The following TRA2B variants were observed in gnomAD, a reference collection of about 807,000 sequenced individuals.
TRA2B encodes the protein transformer-2 protein homolog beta.
A neutral mutation model predicts 41.7 loss-of-function variants in TRA2B; 14 were observed. The observed-to-expected ratio is 0.34, with a 90% CI of 0.22 to 0.53. The LOEUF (loss-of-function observed/expected upper bound fraction) is 0.53, where lower values mean the gene tolerates loss of function less well. Among genes scored for constraint, TRA2B ranks in the 20% least tolerant of loss-of-function variants. The pLI, the probability that TRA2B is intolerant of heterozygous loss-of-function variation, is 0.95. For missense variants in TRA2B, 167 were observed against 396.8 expected, an observed-to-expected ratio of 0.42 and a Z score of 4.92; for synonymous variants, 130 against 128.8, an observed-to-expected ratio of 1.01 and a Z score of -0.06.
intron 5 of TRA2B, among the ~76,000 whole-genome samples, chr3:185,921,536 G>C (rs1014156108): frequency 4.6e-5 from 7 of 152,182 alleles, no homozygotes; most frequent in Non-Finnish European, 1.0e-4. Context: ...AGGCCGAGGC[G>C]GGCAGATCAT....
chr3:185,924,209 G>A (rs867297236), intron 3 of TRA2B: 1 of 376,676 alleles, frequency 2.7e-6, no homozygotes, highest in East Asian at 4.2e-5. Context: ...GAATTAAGTA[G>A]GTAAACAAGC....
At chr3:185,936,656 G>A (rs1744366914) in intron 1 of TRA2B, 3 of 983,324 alleles carry the variant, frequency 3.1e-6, no homozygotes, top group Admixed American at 6.3e-5. Flanking sequence ...ACCAACAAGG[G>A]GAAACTTAGG....
intron 5 of TRA2B, 129 bp from the exon 6 acceptor site, chr3:185,921,316 T>C (rs753412512): frequency 1.3e-6 from 1 of 765,930 alleles, no homozygotes; most frequent in African/African-American, 1.7e-5. Context: ...TTCTCACCTA[T>C]ATTGAGCAAA....
chr3:185,921,368 T>C (rs1030276937), intron 5 of TRA2B, among the ~76,000 whole-genome samples, 181 bp from the exon 6 acceptor site: 12 of 152,210 alleles, frequency 7.9e-5, no homozygotes, highest in African/African-American at 2.4e-4. Context: ...AACCTATTTT[T>C]AAAAATCTTT....
intron 1 of TRA2B, chr3:185,936,670 C>T (rs1744367506): frequency 2.1e-6 from 2 of 969,054 alleles, no homozygotes; most frequent in Non-Finnish European, 2.4e-6. Context: ...ACTTAGGTAA[C>T]AAATTGTTTT....
chr3:185,920,975 T>G lies in TRA2B; in HGVS notation c.722+129A>C, dbSNP rs999019042. 6.5e-6 allele frequency: 4 copies of G among 617,218 alleles called. No individual in the cohort carries two copies. The African/African-American group carries it at 7.3e-5, about 11-fold the overall frequency. The allele number at this position is 617,218 out of a possible 1,614,324, so 38.2% of individuals were successfully genotyped here. ...ACAGAACCTTAGAATCTGATTTAAC[T>G]TTCTACTCTGCATTTCTCGAGTAAA... is the stretch of plus-strand genomic sequence containing the variant. On this transcript the variant is annotated intron_variant, in intron 6 of 8. Transcript: ENST00000453386.
intron 1 of TRA2B, chr3:185,935,594 G>T: frequency 1.0e-6 from 1 of 985,422 alleles, no homozygotes; most frequent in South Asian, 4.7e-5. Context: ...CTGATTTGAA[G>T]AGATTAGTGA....
At position 185,915,078 on chromosome 3, in the gene TRA2B, A is replaced by G. The variant is rs1019875474; in HGVS notation, c.*2637T>C. 6.6e-6 allele frequency among the ~76,000 whole-genome samples: 1 copy of G among 152,206 alleles called. No individual in the cohort carries two copies. Among genetic ancestry groups the G allele is most frequent in the Non-Finnish European group, 1.5e-5 (1 of 68,024 alleles). Reference sequence around the variant, plus strand: ...AGATCCCTCTCAAGCGCACTTCACAATAGGATTCCTGCTATGAAAATCTGC... The same window carrying G: ...AGATCCCTCTCAAGCGCACTTCACAGTAGGATTCCTGCTATGAAAATCTGC... On this transcript the variant is annotated 3_prime_UTR_variant, in exon 9 of 9. Transcript: ENST00000453386.
chr3:185,937,431 G>C (rs1744407092), intron 1 of TRA2B: 4 of 1,026,562 alleles, frequency 3.9e-6, no homozygotes, highest in African/African-American at 1.7e-5. Context: ...CCGCCATTTT[G>C]TGCCTCTGGC....
At chr3:185,925,336 A>G in intron 3 of TRA2B, 128 bp downstream of exon 3, 1 of 1,118,502 alleles carries the variant, frequency 8.9e-7, no homozygotes, top group South Asian at 1.7e-5. Context: ...CTCTCAAAAC[A>G]CTAAAAAAGC....
chr3:185,925,674 C>T (rs951244037), intron 2 of TRA2B, 48 bp from the exon 3 acceptor site: 2 of 1,559,164 alleles, frequency 1.3e-6, no homozygotes, highest in African/African-American at 1.4e-5. Context: ...CAAATATTGT[C>T]TTCTTTATTA....
chr3:185,933,545 T>C (rs554351082), intron 1 of TRA2B, among the ~76,000 whole-genome samples: 2 of 152,202 alleles, frequency 1.3e-5, no homozygotes, highest in East Asian at 1.9e-4. Flanking sequence ...ACTCATTAAG[T>C]TGACTGACAA....
intron 2 of TRA2B, among the ~76,000 whole-genome samples, chr3:185,926,088 A>G (rs1365847028): frequency 6.6e-6 from 1 of 152,182 alleles, no homozygotes; most frequent in Non-Finnish European, 1.5e-5. Flanking sequence ...AAACGAGGAC[A>G]CACATTTAAG....
chr3:185,920,867 A>G (rs1449207139), intron 6 of TRA2B, among the ~76,000 whole-genome samples: 1 of 152,206 alleles, frequency 6.6e-6, no homozygotes, highest in Non-Finnish European at 1.5e-5. Flanking sequence ...TTTATTATTA[A>G]TATTCCAAGT....
intron 1 of TRA2B, among the ~76,000 whole-genome samples, chr3:185,929,979 A>G (rs139695712): frequency 1.1e-4 from 16 of 152,284 alleles, no homozygotes; most frequent in African/African-American, 3.6e-4. Context: ...GCCTGTTCTC[A>G]GGAACAGAAG....
chr3:185,925,418 G>C (rs1277729247), intron 3 of TRA2B, 46 bp downstream of exon 3: 1 of 1,593,354 alleles, frequency 6.3e-7, no homozygotes, highest in Non-Finnish European at 8.5e-7. Context: ...TTAAGAAAAA[G>C]TAAATTTAGG....
chr3:185,925,697 G>A (rs777768741), intron 2 of TRA2B, 71 bp from the exon 3 acceptor site: 20 of 1,462,396 alleles, frequency 1.4e-5, no homozygotes, highest in Non-Finnish European at 1.7e-5. Context: ...CTGTTCTAAA[G>A]TTAAACTCCA....
At chr3:185,937,694 C>T in intron 1 of TRA2B, 131 bp downstream of exon 1, 2 of 1,323,114 alleles carry the variant, frequency 1.5e-6, no homozygotes, top group Non-Finnish European at 2.1e-6. Flanking sequence ...TGCTGTCTCC[C>T]TTGCCTGCCC....
chr3:185,936,468 T>C, intron 1 of TRA2B: 3 of 985,426 alleles, frequency 3.0e-6, no homozygotes, highest in South Asian at 4.7e-5. Flanking sequence ...GCTTGATTAG[T>C]TCAAACCAAA....
Sources: allele counts gnomAD v4.1 joint callset (sites outside exome capture counted in the v4.1 genomes callset), GRCh38; gene constraint gnomAD v4.1.1; transcripts MANE v1.5; gene names NCBI Gene and HGNC (gene_info 2026-07-23, HGNC 2026-07-21).